SDK1: variants seen among roughly 807,000 people sequenced by gnomAD.
The protein encoded by SDK1 is protein sidekick-1.
A neutral mutation model predicts 245.5 loss-of-function variants in SDK1; 157 were observed. The ratio of observed to expected loss-of-function variants is 0.64; its 90% CI spans 0.56 to 0.73. The LOEUF (loss-of-function observed/expected upper bound fraction) is 0.73. Ranked by LOEUF, SDK1 falls within the 30% of genes least tolerant of loss-of-function variation. SDK1 has a pLI of 0.00. For missense variants in SDK1, 3,583 were observed against 3,002.3 expected (o/e 1.19, Z -4.52); for synonymous variants, 1,647 against 1,278.5 (o/e 1.29, Z -6.15).
At chr7:3,315,957 G>T (rs1455711459) in intron 1 of SDK1, among the ~76,000 whole-genome samples, 1 of 152,110 alleles carries the variant, frequency 6.6e-6, no homozygotes, top group African/African-American at 2.4e-5. Flanking sequence ...TCCTTTGAAA[G>T]ATGGATTGAT....
chr7:3,998,972 C>G (rs868664498), intron 14 of SDK1, among the ~76,000 whole-genome samples: 1 of 152,182 alleles, frequency 6.6e-6, no homozygotes, highest in Admixed American at 6.5e-5. Flanking sequence ...ATTCCAACTG[C>G]TTAGAACATC....
chr7:4,099,002 G>C (rs1782359244), intron 22 of SDK1, among the ~76,000 whole-genome samples: 1 of 151,870 alleles, frequency 6.6e-6, no homozygotes, highest in African/African-American at 2.4e-5. Flanking sequence ...TGGTACACAT[G>C]AGAGTCGTGA....
intron 17 of SDK1, among the ~76,000 whole-genome samples, chr7:4,024,358 A>T (rs1787166337): frequency 6.8e-6 from 1 of 147,180 alleles, no homozygotes; most frequent in South Asian, 2.2e-4. Flanking sequence ...GACATTGCAC[A>T]AAAGATTTGT....
At chr7:3,567,800 A>G (rs1211779101) in intron 1 of SDK1, among the ~76,000 whole-genome samples, 1 of 151,624 alleles carries the variant, frequency 6.6e-6, no homozygotes, top group African/African-American at 2.4e-5. Context: ...TTTCTATTTT[A>G]TTTATCTTTT....
chr7:3,566,484 C>G (rs535416055), intron 1 of SDK1, among the ~76,000 whole-genome samples: 1 of 152,068 alleles, frequency 6.6e-6, no homozygotes, highest in South Asian at 2.1e-4. Context: ...CTCGGCCTCC[C>G]AAAGTGCTGG....
chr7:4,030,308 G>A lies in SDK1; in HGVS notation c.2602+12956G>A, dbSNP rs183476578. ...TAGTGTGACAGCTATATATGTGTAC[G>A]AAAACAGCTTACGCAGAAGACAGAG... On this transcript the variant is annotated intron_variant, in intron 17 of 44. Coordinates refer to ENST00000404826, the MANE Select transcript of SDK1 (RefSeq NM_152744.4). 3.9e-5 allele frequency among the ~76,000 whole-genome samples: 6 copies of A among 152,346 alleles called. No individual in the cohort carries two copies. In the South Asian group the frequency reaches 1.0e-3, roughly 26 times the overall value.
intron 1 of SDK1, among the ~76,000 whole-genome samples, chr7:3,520,150 G>A (rs973917432): frequency 6.6e-6 from 1 of 152,182 alleles, no homozygotes; most frequent in Admixed American, 6.6e-5. Context: ...CTTCTCTGGA[G>A]CCCTTCCTCT....
chr7:3,427,646 T>G (rs947742841), intron 1 of SDK1, among the ~76,000 whole-genome samples: 3 of 152,196 alleles, frequency 2.0e-5, no homozygotes, highest in Non-Finnish European at 2.9e-5. Flanking sequence ...TTTCTATGAC[T>G]TGGTGAATTT....
chr7:4,051,980 G>A (rs1778884987), intron 19 of SDK1, 150 bp downstream of exon 19: 3 of 640,818 alleles, frequency 4.7e-6, no homozygotes, highest in Admixed American at 3.2e-5. Context: ...GGGAGATCAG[G>A]CATCAGTACT....
At chr7:3,910,113 G>A (rs1488439274) in intron 5 of SDK1, among the ~76,000 whole-genome samples, 2 of 152,186 alleles carry the variant, frequency 1.3e-5, no homozygotes, top group African/African-American at 2.4e-5. Context: ...TCCTGTGTGC[G>A]AATGGCCCCC....
chr7:3,851,025 C>A (rs545219117), intron 5 of SDK1, among the ~76,000 whole-genome samples: 1 of 152,200 alleles, frequency 6.6e-6, no homozygotes, highest in South Asian at 2.1e-4. Flanking sequence ...AAAGAAGACA[C>A]CTTTTATTAT....
intron 1 of SDK1, among the ~76,000 whole-genome samples, chr7:3,376,918 C>T (rs969139014): frequency 6.6e-6 from 1 of 152,060 alleles, no homozygotes; most frequent in African/African-American, 2.4e-5. Context: ...TTTCCTGGAT[C>T]TGTCTCCACT....
At chr7:3,321,013 C>T (rs970211742) in intron 1 of SDK1, among the ~76,000 whole-genome samples, 2 of 152,096 alleles carry the variant, frequency 1.3e-5, no homozygotes, top group Non-Finnish European at 2.9e-5. Context: ...CTGTATTTTT[C>T]TTCTGAAATT....
At chr7:3,775,393 C>T (rs904228564) in intron 4 of SDK1, among the ~76,000 whole-genome samples, 9 of 151,700 alleles carry the variant, frequency 5.9e-5, no homozygotes, top group Non-Finnish European at 1.2e-4. Flanking sequence ...TGTTTTGTTG[C>T]CTTCTCAACT....
chr7:4,268,629 T>A lies in SDK1; in HGVS notation c.*3245T>A. ...ACTGGGCTGAAGCATGATGTTTGCC[T>A]AATGGTTCGTAGCATGGTTTTTATT... On this transcript the variant is annotated 3_prime_UTR_variant, in exon 45 of 45. Coordinates refer to ENST00000404826, the MANE Select transcript of SDK1 (RefSeq NM_152744.4). 1 of 1,367,660 alleles carries A rather than the reference T, an allele frequency of 7.3e-7. No individual in the cohort carries two copies. The highest frequency in any genetic ancestry group is 9.8e-7 in the Non-Finnish European group (1 of 1,021,864). The allele number at this position is 1,367,660 out of a possible 1,614,324, so 84.7% of individuals were successfully genotyped here.
chr7:3,726,064 C>T (rs1346811662), intron 4 of SDK1, among the ~76,000 whole-genome samples: 1 of 152,232 alleles, frequency 6.6e-6, no homozygotes, highest in African/African-American at 2.4e-5. Context: ...CACCTTACAT[C>T]TGCCTAATGT....
chr7:3,639,620 A>G (rs1189786038), intron 3 of SDK1, among the ~76,000 whole-genome samples: 1 of 152,128 alleles, frequency 6.6e-6, no homozygotes, highest in Non-Finnish European at 1.5e-5. Flanking sequence ...GGAGAACGAA[A>G]CTTTTAAAAG....
At chr7:3,541,155 G>T (rs769183549) in intron 1 of SDK1, among the ~76,000 whole-genome samples, 4 of 152,186 alleles carry the variant, frequency 2.6e-5, no homozygotes, top group Non-Finnish European at 4.4e-5. Flanking sequence ...ATATTCTTAA[G>T]TATAACTATA....
At chr7:3,530,869 A>G (rs1783320874) in intron 1 of SDK1, among the ~76,000 whole-genome samples, 1 of 152,242 alleles carries the variant, frequency 6.6e-6, no homozygotes, top group African/African-American at 2.4e-5. Flanking sequence ...TTCCCTATGC[A>G]TAAAAACATT....
Sources: gnomAD v4.1 joint callset for allele counts (sites outside exome capture counted in the v4.1 genomes callset) on GRCh38, gnomAD v4.1.1 for gene constraint, MANE v1.5 for transcripts, NCBI Gene and HGNC (gene_info 2026-07-23, HGNC 2026-07-21) for gene names.